The following CDH18 variants were observed in gnomAD, a reference collection of about 807,000 sequenced individuals.
The protein encoded by CDH18 is cadherin-18.
CDH18 carries 31 observed loss-of-function variants against 67.9 expected under a neutral mutation model. The observed-to-expected ratio is 0.46, with a 90% CI of 0.34 to 0.62. The LOEUF is 0.62. CDH18 is among the 20% of genes least tolerant of loss of function. The pLI is 0.01. For synonymous variants in CDH18, 362 were observed against 347.2 expected, an observed-to-expected ratio of 1.04 and a Z score of -0.48; for missense variants, 890 against 975.5, an observed-to-expected ratio of 0.91 and a Z score of 1.17.
At chr5:20,214,599 C>G (rs190624184) in intron 2 of CDH18, among the ~76,000 whole-genome samples, 8 of 152,082 alleles carry the variant, frequency 5.3e-5, no homozygotes, top group African/African-American at 4.8e-5. Context: ...GGAAAGGACT[C>G]CCTAGTCAAT....
chr5:19,859,572 A>T (rs946415746), intron 2 of CDH18, among the ~76,000 whole-genome samples: 8 of 152,124 alleles, frequency 5.3e-5, no homozygotes, highest in Admixed American at 2.0e-4. Context: ...GAAGCCTATG[A>T]AACCTGTATC....
At chr5:20,451,426 A>G (rs1750443136) in intron 1 of CDH18, among the ~76,000 whole-genome samples, 1 of 152,200 alleles carries the variant, frequency 6.6e-6, no homozygotes, top group South Asian at 2.1e-4. Flanking sequence ...TACTGCACTG[A>G]TGAACATAAA....
At chr5:20,301,714 A>C (rs187199274) in intron 1 of CDH18, among the ~76,000 whole-genome samples, 1 of 152,226 alleles carries the variant, frequency 6.6e-6, no homozygotes, top group Non-Finnish European at 1.5e-5. Context: ...ACTTGTTTTG[A>C]ACTCTACTAG....
At chr5:20,402,887 A>G (rs1175141171) in intron 1 of CDH18, among the ~76,000 whole-genome samples, 1 of 152,052 alleles carries the variant, frequency 6.6e-6, no homozygotes, top group East Asian at 1.9e-4. Context: ...CAGGCTGGGT[A>G]ACAGAGCAAG....
intron 2 of CDH18, among the ~76,000 whole-genome samples, chr5:20,213,613 A>G (rs1037858457): frequency 1.1e-4 from 16 of 152,016 alleles, no homozygotes; most frequent in African/African-American, 3.9e-4. Context: ...GGAAGGGAGT[A>G]TGTGTCCAGG....
intron 1 of CDH18, among the ~76,000 whole-genome samples, chr5:20,349,257 T>C (rs1198126542): frequency 1.3e-5 from 2 of 152,156 alleles, no homozygotes; most frequent in African/African-American, 4.8e-5. Context: ...CAAACAGTAG[T>C]ACTTTGGAGA....
chr5:20,559,443 TATATC>T (rs1413226508), intron 1 of CDH18, among the ~76,000 whole-genome samples: 1 of 152,104 alleles, frequency 6.6e-6, no homozygotes, highest in Non-Finnish European at 1.5e-5. Flanking sequence ...CAATGGATAT[TATATC>T]ATACATCTAT....
intron 2 of CDH18, among the ~76,000 whole-genome samples, chr5:19,882,109 GTGTTCAAAAATCA>G (rs569580611): frequency 1.0e-3 from 153 of 152,102 alleles, no homozygotes; most frequent in Non-Finnish European, 1.8e-3. Context: ...TTAGTATTCT[GTGTTCAAAAATCA>G]TCTGTGCAAC....
intron 2 of CDH18, among the ~76,000 whole-genome samples, chr5:20,246,513 A>G (rs955261209): frequency 1.3e-5 from 2 of 152,222 alleles, no homozygotes; most frequent in East Asian, 3.8e-4. Context: ...CATTTTGAAC[A>G]TGCTTTGAAG....
intron 2 of CDH18, among the ~76,000 whole-genome samples, chr5:20,037,292 T>C (rs1476726303): frequency 2.0e-5 from 3 of 151,996 alleles, no homozygotes; most frequent in Non-Finnish European, 4.4e-5. Context: ...TTCAAGGAGC[T>C]CTTGTAAGGC....
rs116322106 is a variant in CDH18, at chr5:19,647,165, G to A, written c.644-34564C>T. ...AAAAATAAAAGTAGACATCCCTAAC[G>A]TAAGGGCAAGAAATGCAAAATTTTG... On this transcript the variant is annotated intron_variant, in intron 5 of 12. Coordinates refer to ENST00000382275, the MANE Select transcript of CDH18 (RefSeq NM_004934.5). 6.2e-3 allele frequency among the ~76,000 whole-genome samples: 947 copies of A among 152,040 alleles called. 9 individuals carry two copies. Among genetic ancestry groups the A allele is most frequent in the African/African-American group, 0.022 (903 of 41,474 alleles).
intron 3 of CDH18, among the ~76,000 whole-genome samples, chr5:19,798,693 T>C (rs1000586189): frequency 5.9e-5 from 9 of 152,126 alleles, no homozygotes; most frequent in African/African-American, 1.9e-4. Context: ...CAATTTCCGC[T>C]CATTCTAAAA....
At chr5:19,702,903 C>T (rs1184769534) in intron 5 of CDH18, among the ~76,000 whole-genome samples, 2 of 152,192 alleles carry the variant, frequency 1.3e-5, no homozygotes, top group Non-Finnish European at 2.9e-5. Flanking sequence ...TCCTGAACCA[C>T]AAACAATAGC....
At chr5:19,615,108 C>T (rs1260454286) in intron 5 of CDH18, among the ~76,000 whole-genome samples, 1 of 150,340 alleles carries the variant, frequency 6.7e-6, no homozygotes, top group Non-Finnish European at 1.5e-5. Context: ...GATTGCGCCA[C>T]TACACTCCAG....
At chr5:20,131,074 A>C (rs1474854543) in intron 2 of CDH18, among the ~76,000 whole-genome samples, 1 of 152,056 alleles carries the variant, frequency 6.6e-6, no homozygotes, top group Non-Finnish European at 1.5e-5. Context: ...AAAATTTTTT[A>C]CCTTATATAA....
intron 2 of CDH18, among the ~76,000 whole-genome samples, chr5:20,255,106 A>G (rs968601555): frequency 6.6e-6 from 1 of 152,160 alleles, no homozygotes; most frequent in Non-Finnish European, 1.5e-5. Flanking sequence ...TAAGGGAACA[A>G]AAGACATGGA....
chr5:19,571,925 T>A (rs544056421), intron 7 of CDH18, 93 bp from the exon 8 acceptor site: 398 of 967,318 alleles, frequency 4.1e-4, no homozygotes, highest in Non-Finnish European at 5.8e-4. Context: ...TTTTCCTTTT[T>A]AGAATAAAAT....
At chr5:20,161,266 C>T (rs1735869228) in intron 2 of CDH18, among the ~76,000 whole-genome samples, 1 of 152,210 alleles carries the variant, frequency 6.6e-6, no homozygotes, top group Non-Finnish European at 1.5e-5. Context: ...ACACAGTCAA[C>T]TTGGTGTCTC....
intron 1 of CDH18, among the ~76,000 whole-genome samples, chr5:20,264,737 C>G (rs1744903597): frequency 6.6e-6 from 1 of 152,032 alleles, no homozygotes; most frequent in South Asian, 2.1e-4. Context: ...AAAATAAGTC[C>G]AATATTTTAC....
Sources: gnomAD v4.1 joint callset for allele counts (sites outside exome capture counted in the v4.1 genomes callset) on GRCh38, gnomAD v4.1.1 for gene constraint, MANE v1.5 for transcripts, NCBI Gene and HGNC (gene_info 2026-07-23, HGNC 2026-07-21) for gene names.